RBFOX1: variants seen among roughly 807,000 people sequenced by gnomAD.
The protein encoded by RBFOX1 is RNA binding protein fox-1 homolog 1.
In RBFOX1, 8 loss-of-function variants were observed where a neutral mutation model predicts 57.7. The observed-to-expected ratio is 0.14, with a 90% CI of 0.08 to 0.25. The LOEUF is 0.25. RBFOX1 is among the 10% of genes least tolerant of loss of function. RBFOX1 has a pLI of 1.00. For synonymous variants in RBFOX1, 326 were observed against 222.4 expected, an observed-to-expected ratio of 1.47 and a Z score of -4.15; for missense variants, 611 against 548.5, an observed-to-expected ratio of 1.11 and a Z score of -1.14.
chr16:6,366,353 A>C (rs17139977), intron 2 of RBFOX1, among the ~76,000 whole-genome samples: 10,462 of 152,142 alleles, frequency 0.069, 1,190 homozygotes, highest in African/African-American at 0.24. Flanking sequence ...TATTTTATAC[A>C]TTTAGAATTG....
intron 1 of RBFOX1, among the ~76,000 whole-genome samples, chr16:6,191,077 C>G (rs2097138618): frequency 6.6e-6 from 1 of 151,732 alleles, no homozygotes; most frequent in Non-Finnish European, 1.5e-5. Flanking sequence ...TTAATCAGTC[C>G]TGAAGCATCT....
intron 3 of RBFOX1, among the ~76,000 whole-genome samples, chr16:5,663,660 T>C (rs2049733565): frequency 2.0e-5 from 3 of 152,278 alleles, no homozygotes; most frequent in Admixed American, 2.0e-4. Context: ...AGCCCCTACT[T>C]GGTGTAAGGC....
intron 13 of RBFOX1, among the ~76,000 whole-genome samples, chr16:7,666,304 A>G (rs1018539013): frequency 6.6e-6 from 1 of 152,144 alleles, no homozygotes; most frequent in Non-Finnish European, 1.5e-5. Context: ...GGCTTTAGAA[A>G]TGAAAGGGAA....
chr16:7,110,333 C>A (rs977735787), intron 4 of RBFOX1, among the ~76,000 whole-genome samples: 3 of 151,996 alleles, frequency 2.0e-5, no homozygotes, highest in African/African-American at 4.8e-5. Context: ...TGCACTCCAG[C>A]TTGGGTGACA....
At chr16:6,311,326 A>G (rs992814396) in intron 1 of RBFOX1, among the ~76,000 whole-genome samples, 10 of 151,280 alleles carry the variant, frequency 6.6e-5, no homozygotes, top group African/African-American at 2.4e-4. Flanking sequence ...AGAATAAAAG[A>G]ACTATTGGCT....
chr16:7,003,464 A>AC (rs1321853185), intron 3 of RBFOX1, among the ~76,000 whole-genome samples: 1 of 151,888 alleles, frequency 6.6e-6, no homozygotes, highest in Non-Finnish European at 1.5e-5. Context: ...ATCTTAAAAA[A>AC]AAAAAAAGAA....
At chr16:7,077,927 C>A (rs1054521174) in intron 4 of RBFOX1, among the ~76,000 whole-genome samples, 1 of 152,132 alleles carries the variant, frequency 6.6e-6, no homozygotes, top group Non-Finnish European at 1.5e-5. Context: ...AAAATGTTTG[C>A]TCAACTCATT....
chr16:6,270,645 A>G (rs2152672019), intron 1 of RBFOX1, among the ~76,000 whole-genome samples: 1 of 152,282 alleles, frequency 6.6e-6, no homozygotes, highest in African/African-American at 2.4e-5. Flanking sequence ...GTCAGAGGCT[A>G]AACACTATTA....
At chr16:7,542,343 C>T (rs34973868) in intron 5 of RBFOX1, among the ~76,000 whole-genome samples, 6,405 of 152,206 alleles carry the variant, frequency 0.042, 203 homozygotes, top group East Asian at 0.12. Context: ...AAGCATACGC[C>T]AGACCCGTAA....
intron 4 of RBFOX1, among the ~76,000 whole-genome samples, chr16:6,003,108 T>C (rs2060629423): frequency 6.6e-6 from 1 of 151,362 alleles, no homozygotes; most frequent in South Asian, 2.1e-4. Context: ...TGAAACCCCG[T>C]CTCTACTAAA....
chr16:7,508,225 G>C (rs963137468), intron 4 of RBFOX1, among the ~76,000 whole-genome samples: 2 of 151,948 alleles, frequency 1.3e-5, no homozygotes, highest in Non-Finnish European at 2.9e-5. Flanking sequence ...CGATCCGCAC[G>C]CCTCGGCCTT....
At chr16:7,192,894 C>T (rs190669942) in intron 4 of RBFOX1, among the ~76,000 whole-genome samples, 2 of 152,170 alleles carry the variant, frequency 1.3e-5, no homozygotes. Context: ...GTTACTTCGC[C>T]AGTCTCACAC....
chr16:7,285,957 T>C (rs1312148171), intron 4 of RBFOX1, among the ~76,000 whole-genome samples: 2 of 152,162 alleles, frequency 1.3e-5, no homozygotes, highest in Non-Finnish European at 2.9e-5. Flanking sequence ...TTAAACTGAG[T>C]CTCTGCTGAT....
intron 3 of RBFOX1, among the ~76,000 whole-genome samples, chr16:6,981,212 C>T (rs564417852): frequency 1.3e-5 from 2 of 151,794 alleles, no homozygotes; most frequent in South Asian, 2.1e-4. Flanking sequence ...ATTATTTCAT[C>T]ACCCAGGTAT....
At chr16:5,846,151 C>T (rs2056750938) in intron 3 of RBFOX1, among the ~76,000 whole-genome samples, 1 of 150,540 alleles carries the variant, frequency 6.6e-6, no homozygotes, top group Non-Finnish European at 1.5e-5. Context: ...CACTGCACTC[C>T]AGCCTGGGCG....
chr16:7,452,911 T>G (rs1042733297), intron 4 of RBFOX1, among the ~76,000 whole-genome samples: 10 of 152,022 alleles, frequency 6.6e-5, no homozygotes, highest in Non-Finnish European at 4.4e-5. Flanking sequence ...GGTGGATCAC[T>G]TGAGGCCAGG....
At chr16:5,882,228 T>TAATA in intron 4 of RBFOX1, among the ~76,000 whole-genome samples, 1 of 152,298 alleles carries the variant, frequency 6.6e-6, no homozygotes, top group Non-Finnish European at 1.5e-5. Flanking sequence ...CTCGTAGCTA[T>TAATA]GTCAGAGGTG....
chr16:7,239,976 C>G (rs1016304858), intron 4 of RBFOX1, among the ~76,000 whole-genome samples: 2 of 151,862 alleles, frequency 1.3e-5, no homozygotes, highest in African/African-American at 4.8e-5. Flanking sequence ...ATGATGGTGA[C>G]GATTATTTGA....
At chr16:7,131,624 C>T (rs1324784054) in intron 4 of RBFOX1, among the ~76,000 whole-genome samples, 1 of 151,566 alleles carries the variant, frequency 6.6e-6, no homozygotes, top group Non-Finnish European at 1.5e-5. Context: ...ATCCCTCAAG[C>T]AGAGAGTTGG....
Sources: gnomAD v4.1 joint callset for allele counts (sites outside exome capture counted in the v4.1 genomes callset) on GRCh38, gnomAD v4.1.1 for gene constraint, MANE v1.5 for transcripts, NCBI Gene and HGNC (gene_info 2026-07-23, HGNC 2026-07-21) for gene names.